The following ABCB9 variants were observed in gnomAD, a reference collection of about 807,000 sequenced individuals.
ABCB9 encodes the protein ABC-type oligopeptide transporter ABCB9.
ABCB9 carries 36 observed loss-of-function variants against 62.0 expected under a neutral mutation model. The observed-to-expected ratio is 0.58, with a 90% CI of 0.45 to 0.77. The LOEUF is 0.77. Among genes scored for constraint, ABCB9 ranks in the 30% least tolerant of loss-of-function variants. The pLI, the probability that ABCB9 is intolerant of heterozygous loss-of-function variation, is 0.00. For synonymous variants in ABCB9, 435 were observed against 461.4 expected (o/e 0.94, Z 0.73); for missense variants, 943 against 1,054.7 (o/e 0.89, Z 1.47).
At chr12:122,955,990 G>A (rs1324731746) in intron 2 of ABCB9, among the ~76,000 whole-genome samples, 1 of 152,148 alleles carries the variant, frequency 6.6e-6, no homozygotes, top group East Asian at 1.9e-4. Context: ...GGGATTATAG[G>A]TGTGAGCCAC....
chr12:122,970,839 G>A (rs2037262092), upstream of ABCB9, among the ~76,000 whole-genome samples: 1 of 152,180 alleles, frequency 6.6e-6, no homozygotes, highest in African/African-American at 2.4e-5. Flanking sequence ...GTGCTAAAAT[G>A]AAATGAGCTA....
chr12:122,946,207 C>G lies in ABCB9; in HGVS notation c.1069G>C (p.Val357Leu), dbSNP rs982245943. The change falls in exon 6 of 12, where the codon GTC (valine) becomes CTC (leucine). Residue 357 changes from valine (V) to leucine (L), a missense_variant. Transcript: ENST00000280560. ...GKYYKRLSKE[V>L]QNALARASNT... The stretch of plus-strand genomic sequence containing the variant: ...CTCGCTCTGGCCAGGGCATTCTGGA[C>G]CTCTTTGGAGAGCCTCTATGGACAG... The G allele has an allele frequency of 6.2e-7, 1 of 1,614,032 alleles. No homozygotes were observed. Among genetic ancestry groups the G allele is most frequent in the Non-Finnish European group, 8.5e-7 (1 of 1,180,044 alleles).
upstream of ABCB9, among the ~76,000 whole-genome samples, chr12:122,967,952 G>A (rs530075355): frequency 1.4e-4 from 22 of 152,136 alleles, no homozygotes; most frequent in South Asian, 1.9e-3. Context: ...AGGGAGCTAA[G>A]GTACTAGCTT....
At chr12:122,948,561 C>A in intron 5 of ABCB9, 63 bp downstream of exon 5, 1 of 1,487,244 alleles carries the variant, frequency 6.7e-7, no homozygotes, top group East Asian at 2.5e-5. Context: ...CTGAGCCCCT[C>A]CTAAGGGGAT....
rs1566176742 is a variant in ABCB9 at position 122,947,512 on chromosome 12, C to A, written c.1053+1112G>T. ...TGGAGGCCGTCATGCATCCAAGCCC[C>A]TGCTCTAGAAGTACCCCACGTGGGC... On this transcript the variant is annotated intron_variant, in intron 5 of 11. Transcript: ENST00000280560. This position sits in a 1 kb window ranked among gnomAD's most constrained non-coding sequence, Gnocchi z 6.0. The A allele has an allele frequency of 2.2e-6, 1 of 454,058 alleles. No individual in the cohort carries two copies. The allele number at this position is 454,058 out of a possible 1,614,324, so 28.1% of individuals were successfully genotyped here. A position where few individuals can be genotyped will look rare whatever the true frequency, so the allele number is the denominator to read the frequency against.
chr12:122,961,345 T>C (rs1172166745), intron 1 of ABCB9, among the ~76,000 whole-genome samples: 5 of 152,058 alleles, frequency 3.3e-5, no homozygotes, highest in South Asian at 2.1e-4. Flanking sequence ...CCCACCACCA[T>C]GACCAGCTAA....
chr12:122,965,190 C>T (rs1451416676), intron 1 of ABCB9, among the ~76,000 whole-genome samples: 1 of 152,040 alleles, frequency 6.6e-6, no homozygotes, highest in African/African-American at 2.4e-5. Flanking sequence ...AGAAAAAGGA[C>T]GAAGGCAGGA....
intron 5 of ABCB9, among the ~76,000 whole-genome samples, chr12:122,946,856 C>T (rs976058639): frequency 1.1e-4 from 16 of 152,204 alleles, no homozygotes; most frequent in Admixed American, 1.0e-3. Context: ...TGGAAGAGGC[C>T]CCTGGGTGGA....
Position 122,935,382 on chromosome 12 carries a change from T to C in ABCB9, c.1793A>G (p.Asp598Gly), listed in dbSNP as rs115582875. 1.9e-6 allele frequency: 3 copies of C among 1,614,068 alleles called. No homozygotes were observed. Among genetic ancestry groups the C allele is most frequent in the African/African-American group, 2.7e-5 (2 of 75,052 alleles). The change falls in exon 10 of 12, where the codon GAT becomes GGT. Residue 598 changes from aspartate (D) to glycine (G), a missense_variant. Physicochemically the swap from Asp to Gly is moderately conservative, Grantham distance 94. Transcript: ENST00000280560. ...EPVLFARSIT[D>G]NISYGLPTVP... ...AGTGGGCAGGCCGTAGGAGATGTTATCCGTGATGGAGCGGGCGAACAGCAC... is the reference window on the plus strand; with the variant it reads ...AGTGGGCAGGCCGTAGGAGATGTTACCCGTGATGGAGCGGGCGAACAGCAC...
intron 7 of ABCB9, among the ~76,000 whole-genome samples, chr12:122,943,329 A>G (rs1029520392): frequency 1.2e-4 from 19 of 152,094 alleles, no homozygotes; most frequent in Non-Finnish European, 2.1e-4. Flanking sequence ...TCACCTCCCA[A>G]ACAAATCCGT....
intron 2 of ABCB9, chr12:122,951,137 C>G (rs1391991967): frequency 6.6e-6 from 1 of 151,886 alleles, no homozygotes; most frequent in African/African-American, 2.4e-5. Flanking sequence ...TATGAGCCAC[C>G]GCTCCTGAAC....
upstream of ABCB9, among the ~76,000 whole-genome samples, chr12:122,970,732 C>T (rs549875222): frequency 6.6e-6 from 1 of 152,176 alleles, no homozygotes; most frequent in African/African-American, 2.4e-5. Flanking sequence ...TAAAATAAAG[C>T]TTTATTCGTA....
intron 11 of ABCB9, among the ~76,000 whole-genome samples, chr12:122,921,959 C>T (rs550618838): frequency 2.6e-5 from 4 of 152,296 alleles, no homozygotes; most frequent in East Asian, 1.9e-4. Flanking sequence ...CTCTGTGGAA[C>T]TGTCTAGAAT....
At chr12:122,961,282 G>A (rs2036890343) in intron 1 of ABCB9, among the ~76,000 whole-genome samples, 1 of 152,042 alleles carries the variant, frequency 6.6e-6, no homozygotes, top group Non-Finnish European at 1.5e-5. Context: ...CCGTCTCCCT[G>A]GTTCAAGCGA....
chr12:122,968,899 G>GCCACC (rs2037239625), upstream of ABCB9, among the ~76,000 whole-genome samples: 1 of 152,124 alleles, frequency 6.6e-6, no homozygotes, highest in South Asian at 2.1e-4. Context: ...ACAAGCATCA[G>GCCACC]CCACCGCACC....
At chr12:122,958,577 G>T (rs1343964886) in intron 2 of ABCB9, among the ~76,000 whole-genome samples, 1 of 152,186 alleles carries the variant, frequency 6.6e-6, no homozygotes, top group Non-Finnish European at 1.5e-5. Context: ...TGTGGCTTGC[G>T]CCTGTAATCC....
Position 122,932,105 on chromosome 12 carries a change from T to C in ABCB9, c.2040+87A>G. ...TGGGAGAGCTCCTGGGGCCCGTCTC[T>C]TCTCAGCATCCATCTGCTGGGCGAT... On this transcript the variant is annotated intron_variant, in intron 11 of 11. Coordinates refer to ENST00000280560, the MANE Select transcript of ABCB9 (RefSeq NM_019625.4). The surrounding 1 kb of genome is among the most constrained non-coding windows in gnomAD (Gnocchi z 4.7). The C allele has an allele frequency of 1.3e-6, 2 of 1,546,304 alleles. No homozygotes were observed. Among genetic ancestry groups the C allele is most frequent in the Non-Finnish European group, 1.7e-6 (2 of 1,145,670 alleles).
chr12:122,950,012 C>T, intron 3 of ABCB9, 94 bp from the exon 4 acceptor site: 15 of 1,526,128 alleles, frequency 9.8e-6, no homozygotes, highest in Non-Finnish European at 1.3e-5. Flanking sequence ...GCCTGGGAGC[C>T]CCACCGCAGC....
At chr12:122,933,729 T>C (rs2035314798) in intron 10 of ABCB9, among the ~76,000 whole-genome samples, 1 of 152,130 alleles carries the variant, frequency 6.6e-6, no homozygotes, top group African/African-American at 2.4e-5. Flanking sequence ...AAAATTAGTG[T>C]ATTTAGTATA....
Sources: gnomAD v4.1 joint callset for allele counts (sites outside exome capture counted in the v4.1 genomes callset) on GRCh38, gnomAD v4.1.1 for gene constraint, Gnocchi (gnomAD v3.1) non-coding constraint, MANE v1.5 for transcripts, NCBI Gene and HGNC (gene_info 2026-07-23, HGNC 2026-07-21) for gene names.